DLEU7: variants seen among roughly 807,000 people sequenced by gnomAD.
The protein encoded by DLEU7 is deleted in lymphocytic leukemia 7, also known as leukemia-associated protein 7.
DLEU7 carries 17 observed loss-of-function variants against 16.0 expected under a neutral mutation model. The ratio of observed to expected loss-of-function variants is 1.06; its 90% CI spans 0.73 to 1.59. DLEU7 has a LOEUF of 1.59. DLEU7 is among the 40% of genes most tolerant of loss of function. DLEU7 has a pLI of 0.00. For missense variants in DLEU7, 308 were observed against 314.9 expected, an observed-to-expected ratio of 0.98 and a Z score of 0.17; for synonymous variants, 113 against 139.8, an observed-to-expected ratio of 0.81 and a Z score of 1.35.
At chr13:50,803,438 A>C (rs1400142412) in intron 1 of DLEU7, among the ~76,000 whole-genome samples, 1 of 152,162 alleles carries the variant, frequency 6.6e-6, no homozygotes, top group Non-Finnish European at 1.5e-5. Context: ...AGAATATTCT[A>C]CATTAATAAA....
chr13:50,823,236 C>T lies in DLEU7; in HGVS notation c.*78G>A. 2 of 1,516,436 alleles carry T rather than the reference C, an allele frequency of 1.3e-6. No individual in the cohort carries two copies. Among genetic ancestry groups the T allele is most frequent in the Non-Finnish European group, 1.8e-6 (2 of 1,132,840 alleles). 93.9% of individuals were successfully genotyped at this position (1,516,436 alleles called of 1,614,324 possible). On this transcript the variant is annotated 3_prime_UTR_variant, in exon 2 of 2. Coordinates refer to ENST00000504404, the MANE Select transcript of DLEU7 (RefSeq NM_001306135.2). ...TGGATATAAAAATATCCATTGTCTG[C>T]TGACTCAATTAGGAAGGTAAGGTAT...
At chr13:50,777,189 C>G (rs1875526865) in intron 1 of DLEU7, among the ~76,000 whole-genome samples, 1 of 152,198 alleles carries the variant, frequency 6.6e-6, no homozygotes. Context: ...AGACTTGTCA[C>G]AGTTAATACT....
At chr13:50,784,846 G>C (rs1368239950) in intron 1 of DLEU7, among the ~76,000 whole-genome samples, 1 of 152,234 alleles carries the variant, frequency 6.6e-6, no homozygotes, top group Non-Finnish European at 1.5e-5. Context: ...GCAGCTCTGA[G>C]TGAACTGTTC....
intron 1 of DLEU7, among the ~76,000 whole-genome samples, chr13:50,764,023 C>A (rs1263301386): frequency 6.6e-6 from 1 of 152,192 alleles, no homozygotes; most frequent in African/African-American, 2.4e-5. Context: ...TGTTTATAGT[C>A]CCGCACTGCA....
At chr13:50,830,467 AG>A (rs1330445355) in intron 1 of DLEU7, among the ~76,000 whole-genome samples, 1 of 152,218 alleles carries the variant, frequency 6.6e-6, no homozygotes, top group Non-Finnish European at 1.5e-5. Context: ...CAGTATGATG[AG>A]GGCTATGGTA....
intron 1 of DLEU7, among the ~76,000 whole-genome samples, chr13:50,829,216 T>C (rs1877185497): frequency 6.6e-6 from 1 of 152,202 alleles, no homozygotes; most frequent in African/African-American, 2.4e-5. Flanking sequence ...CCATAGCTTA[T>C]GGGGTGGCCT....
At chr13:50,723,632 A>C (rs1873681115) in intron 1 of DLEU7, among the ~76,000 whole-genome samples, 1 of 152,062 alleles carries the variant, frequency 6.6e-6, no homozygotes, top group Non-Finnish European at 1.5e-5. Context: ...TGTGAGGGGA[A>C]GTAGAGGGAG....
intron 1 of DLEU7, among the ~76,000 whole-genome samples, chr13:50,836,878 A>G (rs918964211): frequency 6.6e-6 from 1 of 152,176 alleles, no homozygotes; most frequent in African/African-American, 2.4e-5. Flanking sequence ...GGATGTCTAC[A>G]TAAAAGGGGA....
chr13:50,843,363 T>G lies in DLEU7; in HGVS notation c.284A>C (p.Glu95Ala), dbSNP rs762891632. The G allele has an allele frequency of 2.8e-6, 4 of 1,425,440 alleles. No individual in the cohort carries two copies. In the South Asian group the frequency reaches 4.5e-5, roughly 16 times the overall value. 88.3% of individuals were successfully genotyped at this position (1,425,440 alleles called of 1,614,324 possible). ...GAAGGGCAGCAACTCGGCGCCCCCC[T>G]CAGCGCCTCGCACTACCTCCTCCTC... ...SPEEEVVRGA[E>A]GGAELLPFPR... The change falls in exon 1 of 2, where the codon GAG becomes GCG. Residue 95 changes from glutamate to alanine, a missense_variant. Glu to Ala is a moderately radical substitution (Grantham distance 107, BLOSUM62 -1). Coordinates refer to ENST00000504404, the MANE Select transcript of DLEU7 (RefSeq NM_001306135.2). This position sits in a 1 kb window ranked among gnomAD's most constrained non-coding sequence, Gnocchi z 5.7.
At chr13:50,763,408 G>A (rs939622012) in intron 1 of DLEU7, among the ~76,000 whole-genome samples, 4 of 152,174 alleles carry the variant, frequency 2.6e-5, no homozygotes, top group Non-Finnish European at 5.9e-5. Flanking sequence ...AGTTATTCAA[G>A]TAAGACATGA....
intron 1 of DLEU7, among the ~76,000 whole-genome samples, chr13:50,754,563 C>T (rs1433294612): frequency 6.6e-6 from 1 of 152,116 alleles, no homozygotes; most frequent in Non-Finnish European, 1.5e-5. Flanking sequence ...TTATGTGAGT[C>T]CTTATGTGTT....
At chr13:50,730,352 G>A (rs1873882410) in intron 1 of DLEU7, among the ~76,000 whole-genome samples, 1 of 152,106 alleles carries the variant, frequency 6.6e-6, no homozygotes, top group South Asian at 2.1e-4. Flanking sequence ...AAAGGTAAGA[G>A]AAAGAGTATT....
At chr13:50,787,882 T>G (rs1490735277) in intron 1 of DLEU7, among the ~76,000 whole-genome samples, 1 of 152,096 alleles carries the variant, frequency 6.6e-6, no homozygotes, top group Non-Finnish European at 1.5e-5. Context: ...TCATACCCAT[T>G]GTCCACGTCT....
At chr13:50,819,737 G>T (rs1876840962), downstream of DLEU7, among the ~76,000 whole-genome samples, 1 of 152,162 alleles carries the variant, frequency 6.6e-6, no homozygotes, top group Non-Finnish European at 1.5e-5. Context: ...TGGCAGAGAA[G>T]CAGTCTTGGG....
intron 1 of DLEU7, among the ~76,000 whole-genome samples, chr13:50,809,849 A>G (rs1876511290): frequency 6.6e-6 from 1 of 152,170 alleles, no homozygotes; most frequent in Non-Finnish European, 1.5e-5. Flanking sequence ...TAAGGAACAC[A>G]GCTGCATAAA....
chr13:50,728,662 TCAG>T (rs2137714119), intron 1 of DLEU7, among the ~76,000 whole-genome samples: 1 of 152,318 alleles, frequency 6.6e-6, no homozygotes, highest in East Asian at 1.9e-4. Context: ...TCAGCCTTTC[TCAG>T]CTCTTCTTTT....
intron 1 of DLEU7, among the ~76,000 whole-genome samples, chr13:50,762,673 G>A (rs1874972532): frequency 6.6e-6 from 1 of 152,044 alleles, no homozygotes; most frequent in South Asian, 2.1e-4. Flanking sequence ...TAAAGGAGAA[G>A]ATGCCACCAA....
At chr13:50,840,945 AT>A (rs1877637447) in intron 1 of DLEU7, among the ~76,000 whole-genome samples, 2 of 152,110 alleles carry the variant, frequency 1.3e-5, no homozygotes, top group Admixed American at 6.5e-5. Context: ...AGGATGGAAA[AT>A]GTTTAGAATC....
intron 1 of DLEU7, among the ~76,000 whole-genome samples, chr13:50,800,762 G>T (rs1438594136): frequency 6.6e-6 from 1 of 152,158 alleles, no homozygotes; most frequent in Non-Finnish European, 1.5e-5. Context: ...TCGAATTATG[G>T]AGAGGAAGCT....
Sources: allele counts gnomAD v4.1 joint callset (sites outside exome capture counted in the v4.1 genomes callset), GRCh38; gene constraint gnomAD v4.1.1; non-coding constraint Gnocchi (gnomAD v3.1); transcripts MANE v1.5; gene names NCBI Gene and HGNC (gene_info 2026-07-23, HGNC 2026-07-21).